Variants in CFAP43 observed in about 807,000 individuals in gnomAD.
CFAP43 encodes cilia and flagella associated protein 43.
CFAP43 carries 155 observed loss-of-function variants against 218.9 expected under a neutral mutation model. That is an observed-to-expected ratio of 0.71 (90% CI 0.62 to 0.81). The LOEUF is 0.81. Ranked by LOEUF, CFAP43 falls within the 30% of genes least tolerant of loss-of-function variation. The probability of loss-of-function intolerance (pLI) is 0.00; values close to 1 mark genes in which losing one functional copy is unlikely to be tolerated. For synonymous variants in CFAP43, 645 were observed against 681.3 expected, an observed-to-expected ratio of 0.95 and a Z score of 0.83; for missense variants, 1,778 against 1,954.3, an observed-to-expected ratio of 0.91 and a Z score of 1.70.
At chr10:104,147,847 C>G (rs773225070) in intron 29 of CFAP43, 44 bp downstream of exon 29, 70 of 1,383,040 alleles carry the variant, frequency 5.1e-5, no homozygotes, top group Admixed American at 2.1e-5. Flanking sequence ...AGGGGCATGT[C>G]TATCAGAAAA....
chr10:104,217,655 C>T (rs1458597239), intron 3 of CFAP43, among the ~76,000 whole-genome samples: 1 of 152,190 alleles, frequency 6.6e-6, no homozygotes, highest in East Asian at 1.9e-4. Flanking sequence ...GGTACATTTC[C>T]AGCACTCCCA....
chr10:104,153,364 T>C (rs550964563), intron 27 of CFAP43, among the ~76,000 whole-genome samples: 122 of 152,298 alleles, frequency 8.0e-4, no homozygotes, highest in African/African-American at 2.8e-3. Flanking sequence ...GTGACTATAG[T>C]CAACAATCAC....
intron 2 of CFAP43, among the ~76,000 whole-genome samples, chr10:104,226,123 C>T (rs1288015258): frequency 6.6e-6 from 1 of 152,164 alleles, no homozygotes; most frequent in Non-Finnish European, 1.5e-5. Context: ...CATGGGGAGG[C>T]CAAAACAAGA....
intron 9 of CFAP43, among the ~76,000 whole-genome samples, chr10:104,197,638 T>C (rs991472031): frequency 6.6e-6 from 1 of 152,210 alleles, no homozygotes; most frequent in Admixed American, 6.5e-5. Context: ...GCTTGGGTGG[T>C]GAAAACCAAA....
chr10:104,204,953 G>A (rs1045428136), intron 7 of CFAP43, among the ~76,000 whole-genome samples: 2 of 152,118 alleles, frequency 1.3e-5, no homozygotes, highest in Non-Finnish European at 2.9e-5. Context: ...AGTGGCTCAC[G>A]CCTGTAATCC....
intron 16 of CFAP43, among the ~76,000 whole-genome samples, chr10:104,184,462 CTTT>C (rs34684487): frequency 4.2e-5 from 6 of 142,052 alleles, no homozygotes; most frequent in Non-Finnish European, 6.1e-5. Context: ...TTAACTATGT[CTTT>C]TTTTTTTTTT....
At chr10:104,172,339 G>C in intron 20 of CFAP43, 71 bp downstream of exon 20, 2 of 1,550,172 alleles carry the variant, frequency 1.3e-6, no homozygotes, top group Non-Finnish European at 1.7e-6. Flanking sequence ...TTATGAAAAA[G>C]TTCCCATTCC....
chr10:104,162,109 G>T, intron 25 of CFAP43, 68 bp from the exon 26 acceptor site: 1 of 1,495,124 alleles, frequency 6.7e-7, no homozygotes. Context: ...GGCTCCAGAG[G>T]CAGCTTCCCA....
chr10:104,139,752 G>C (rs2087620410), intron 34 of CFAP43, among the ~76,000 whole-genome samples: 2 of 123,758 alleles, frequency 1.6e-5, no homozygotes, highest in Non-Finnish European at 3.6e-5. Flanking sequence ...TAAGCAGAAG[G>C]TAAATGATAC....
chr10:104,216,461 C>T (rs2091014330), intron 3 of CFAP43, among the ~76,000 whole-genome samples: 2 of 152,178 alleles, frequency 1.3e-5, no homozygotes, highest in Non-Finnish European at 2.9e-5. Flanking sequence ...TTCATGTAGG[C>T]ACACCCCACC....
At chr10:104,190,420 C>G (rs1438735811) in intron 12 of CFAP43, among the ~76,000 whole-genome samples, 1 of 152,206 alleles carries the variant, frequency 6.6e-6, no homozygotes, top group South Asian at 2.1e-4. Context: ...TCAGTGCCAT[C>G]TAATTTGCAT....
At chr10:104,172,661 T>A in intron 19 of CFAP43, 126 bp from the exon 20 acceptor site, 1 of 802,660 alleles carries the variant, frequency 1.2e-6, no homozygotes, top group Non-Finnish European at 1.8e-6. Context: ...AATGTACTAC[T>A]AAGTAAATAA....
At chr10:104,186,491 T>C (rs1396735397) in intron 14 of CFAP43, among the ~76,000 whole-genome samples, 1 of 152,138 alleles carries the variant, frequency 6.6e-6, no homozygotes, top group Non-Finnish European at 1.5e-5. Flanking sequence ...CATTCCTACC[T>C]CCAAGCCTCT....
chr10:104,139,438 T>C (rs931661115), intron 34 of CFAP43, among the ~76,000 whole-genome samples: 1 of 152,148 alleles, frequency 6.6e-6, no homozygotes, highest in African/African-American at 2.4e-5. Context: ...CCTAGACACA[T>C]TGTGTTCAAA....
At chr10:104,200,020 C>G (rs1409096897) in intron 8 of CFAP43, among the ~76,000 whole-genome samples, 3 of 152,148 alleles carry the variant, frequency 2.0e-5, no homozygotes, top group African/African-American at 4.8e-5. Context: ...CCCAAACCTC[C>G]ATGATTTAGC....
chr10:104,178,026 A>C (rs2089691394), intron 19 of CFAP43, among the ~76,000 whole-genome samples: 1 of 152,214 alleles, frequency 6.6e-6, no homozygotes, highest in South Asian at 2.1e-4. Flanking sequence ...GGCACCCCAG[A>C]AGCACAGATT....
intron 8 of CFAP43, among the ~76,000 whole-genome samples, chr10:104,203,271 T>A (rs2090585453): frequency 6.6e-6 from 1 of 152,138 alleles, no homozygotes; most frequent in South Asian, 2.1e-4. Context: ...ATTCCAAGAT[T>A]TTTTTTCTAG....
chr10:104,133,104 T>C (rs983765648), intron 35 of CFAP43, among the ~76,000 whole-genome samples: 4 of 152,196 alleles, frequency 2.6e-5, no homozygotes, highest in African/African-American at 9.7e-5. Flanking sequence ...AAATGGGGCA[T>C]GGCTTGGAAT....
intron 34 of CFAP43, among the ~76,000 whole-genome samples, chr10:104,136,633 C>T (rs2087464532): frequency 6.6e-6 from 1 of 152,070 alleles, no homozygotes; most frequent in Non-Finnish European, 1.5e-5. Context: ...TCCCAAAGTG[C>T]TGGGATTACA....
Sources: gnomAD v4.1 joint callset for allele counts (sites outside exome capture counted in the v4.1 genomes callset) on GRCh38, gnomAD v4.1.1 for gene constraint, MANE v1.5 for transcripts, NCBI Gene and HGNC (gene_info 2026-07-23, HGNC 2026-07-21) for gene names.